The following TRIM7 variants were observed in gnomAD, a reference collection of about 807,000 sequenced individuals.
TRIM7 encodes E3 ubiquitin-protein ligase TRIM7.
Under a neutral mutation model 37.9 loss-of-function variants are expected in TRIM7, and 32 were observed. The ratio of observed to expected loss-of-function variants is 0.84; its 90% CI spans 0.64 to 1.13. The LOEUF is 1.13. Ranked by LOEUF, TRIM7 falls within the 50% of genes most tolerant of loss-of-function variation. The probability of loss-of-function intolerance (pLI) is 0.00; values close to 1 mark genes in which losing one functional copy is unlikely to be tolerated. For missense variants in TRIM7, 732 were observed against 714.0 expected (o/e 1.03, Z -0.29); for synonymous variants, 351 against 321.3 (o/e 1.09, Z -0.99).
At chr5:181,204,497 C>T in intron 1 of TRIM7, 92 bp downstream of exon 1, 1 of 1,250,656 alleles carries the variant, frequency 8.0e-7, no homozygotes, top group East Asian at 3.2e-5. Flanking sequence ...GCCTCCTGAT[C>T]GACAGGCTGT....
At position 181,203,718 on chromosome 5, in the gene TRIM7, C is replaced by A. The variant is rs116124799; in HGVS notation, c.523-78G>T. 2.0e-5 allele frequency: 31 copies of A among 1,531,796 alleles called. No individual in the cohort carries two copies. In the African/African-American group the frequency reaches 4.0e-4, roughly 20 times the overall value. 94.9% of individuals were successfully genotyped at this position (1,531,796 alleles called of 1,614,324 possible). ...CCCACCTCTGCCTTCCTGGAGCCAG[C>A]CAGGAGAAAGGGAAGGCCCTGCTCA... On this transcript the variant is annotated intron_variant, in intron 1 of 6. Coordinates refer to ENST00000274773, the MANE Select transcript of TRIM7 (RefSeq NM_203293.3).
chr5:181,197,118 A>G (rs930384260), intron 6 of TRIM7: 2 of 143,956 alleles, frequency 1.4e-5, no homozygotes, highest in East Asian at 4.1e-4. Context: ...ACTGCACTCC[A>G]CCCTGGGCAA....
intron 3 of TRIM7, 80 bp downstream of exon 3, chr5:181,199,771 C>A: frequency 1.3e-6 from 2 of 1,491,938 alleles, no homozygotes; most frequent in South Asian, 1.4e-5. Context: ...CTAGACCCCC[C>A]AGGACTGACA....
rs1171209507 is a variant in TRIM7 at position 181,195,151 on chromosome 5, C to A, written c.*15G>T. The A allele has an allele frequency of 6.3e-7, 1 of 1,579,300 alleles. No homozygotes were observed. The highest frequency in any genetic ancestry group is 8.6e-7 in the Non-Finnish European group (1 of 1,159,986). On this transcript the variant is annotated 3_prime_UTR_variant, in exon 7 of 7. Transcript: ENST00000274773. ...CACCGGCAGCCCAGAGACAGGAGCT[C>A]CCCAGCAGTGCCCCTCAAGGCCAGA...
In TRIM7 at chr5:181,204,627, CGTGCTCGCG is replaced by C. The variant is rs756876285; in HGVS notation, c.475_483del (p.Arg159_His161del). The C allele has an allele frequency of 8.8e-6, 13 of 1,475,460 alleles. No homozygotes were observed. The highest frequency in any genetic ancestry group is 1.5e-5 in the African/African-American group (1 of 67,714). 91.4% of individuals were successfully genotyped at this position (1,475,460 alleles called of 1,614,324 possible). A position where few individuals can be genotyped will look rare whatever the true frequency, so the allele number is the denominator to read the frequency against. ...ACCGCCTCGTCCAGCGGCAGCACGG[CGTGCTCGCG>C]GTGCTCGCGGGCGCGGTCGCACACC... On this transcript the variant is annotated inframe_deletion, in exon 1 of 7. Coordinates refer to ENST00000274773, the MANE Select transcript of TRIM7 (RefSeq NM_203293.3).
At chr5:181,200,362 C>G (rs753012085) in intron 2 of TRIM7, 19 of 1,405,352 alleles carry the variant, frequency 1.4e-5, no homozygotes, top group Middle Eastern at 2.6e-4. Context: ...CATACTCCCC[C>G]CAGAACTACG....
Position 181,195,624 on chromosome 5 carries a change from C to G in TRIM7, c.1078G>C (p.Asp360His), listed in dbSNP as rs1339977184. ...TCGCCGAGGCGCACGCCCTTAAGAT[C>G]CAGAGAGAGGATGAGGCGCGGGTTG... is the stretch of plus-strand genomic sequence containing the variant. ...TANPRLILSL[D>H]LKGVRLGERA... Residue 360 changes from aspartate to histidine, a missense_variant, in exon 7 of 7, where the codon GAT (aspartate) becomes CAT (histidine). By Grantham distance (81) the Asp-to-His change is moderately conservative. Transcript: ENST00000274773. 6.4e-7 allele frequency: 1 copy of G among 1,558,104 alleles called. No individual in the cohort carries two copies.
At chr5:181,200,429 G>A (rs1757411181) in intron 2 of TRIM7, 1 of 1,292,828 alleles carries the variant, frequency 7.7e-7, no homozygotes, top group Non-Finnish European at 9.8e-7. Context: ...GCCTCCTGGG[G>A]CAACCATAGG....
rs1474886572 is a variant in TRIM7, at chr5:181,198,076, G to A, written c.1024+107C>T. The A allele has an allele frequency of 7.5e-6, 9 of 1,207,142 alleles. No individual in the cohort carries two copies. In the East Asian group the frequency reaches 2.2e-4, roughly 29 times the overall value. The allele number at this position is 1,207,142 out of a possible 1,614,324, so 74.8% of individuals were successfully genotyped here. On this transcript the variant is annotated intron_variant, in intron 6 of 6. Coordinates refer to ENST00000274773, the MANE Select transcript of TRIM7 (RefSeq NM_203293.3). ...GAGGAACAGGGTTGCTGAGGTGGGT[G>A]GGCTGAAGGAACCGACCATATGCAA...
chr5:181,198,792 G>A lies in TRIM7; in HGVS notation c.886C>T (p.Pro296Ser), dbSNP rs760482731. 51 of 1,612,976 alleles carry A rather than the reference G, an allele frequency of 3.2e-5. 1 individual carries two copies. In the South Asian group the frequency reaches 5.5e-4, roughly 17 times the overall value. ...GAGACTGTGGTTGGCTTGGGGCCAG[G>A]CACATTGCTACACCTGCAGGACAAG... ...KSTLSRCSNV[P>S]GPKPTTVSSE... The change falls in exon 5 of 7, where the codon CCT becomes TCT. Residue 296 changes from proline (P) to serine (S), a missense_variant. By Grantham distance (74) the Pro-to-Ser change is moderately conservative. Coordinates refer to ENST00000274773, the MANE Select transcript of TRIM7 (RefSeq NM_203293.3).
intron 6 of TRIM7, chr5:181,197,952 A>C: frequency 1.7e-6 from 1 of 575,660 alleles, no homozygotes; most frequent in Non-Finnish European, 3.1e-6. Flanking sequence ...CTCGAGGTAC[A>C]GGGCATTCCT....
rs1303995194 is a variant in TRIM7, at chr5:181,199,651, T to A, written c.849+200A>T. The stretch of plus-strand genomic sequence containing the variant: ...TTGTGATTCTGAAATACGATATATA[T>A]TATTGTGGCTCATAGTCAAGAAAGT... On this transcript the variant is annotated intron_variant, in intron 3 of 6. Coordinates refer to ENST00000274773, the MANE Select transcript of TRIM7 (RefSeq NM_203293.3). The A allele has an allele frequency of 7.8e-6, 6 of 767,592 alleles. No homozygotes were observed. In the East Asian group the frequency reaches 1.6e-4, roughly 21 times the overall value. The allele number at this position is 767,592 out of a possible 1,614,324, so 47.5% of individuals were successfully genotyped here. A position where few individuals can be genotyped will look rare whatever the true frequency, so the allele number is the denominator to read the frequency against.
intron 2 of TRIM7, chr5:181,202,379 A>C (rs899891389): frequency 2.6e-5 from 4 of 151,446 alleles, no homozygotes; most frequent in Non-Finnish European, 4.4e-5. Context: ...GGGTTGCTCC[A>C]TGTTGGTCAG....
rs775384879 is a variant in TRIM7 at position 181,203,530 on chromosome 5, G to A, written c.618+15C>T. 49 of 1,613,896 alleles carry A rather than the reference G, an allele frequency of 3.0e-5. No homozygotes were observed. Among genetic ancestry groups the A allele is most frequent in the Non-Finnish European group, 4.2e-5 (49 of 1,179,962 alleles). ...CTGTAATGTCCCACGGGGGGCCTGC[G>A]GGTGCCTGGCTCACCAGCAGCTCCT... On this transcript the variant is annotated intron_variant, in intron 2 of 6. Coordinates refer to ENST00000274773, the MANE Select transcript of TRIM7 (RefSeq NM_203293.3).
At position 181,205,102 on chromosome 5, in the gene TRIM7, A is replaced by C; in HGVS notation, c.9T>G (p.Ala3=). 1 of 1,329,628 alleles carries C rather than the reference A, an allele frequency of 7.5e-7. No homozygotes were observed. The highest frequency in any genetic ancestry group is 1.9e-5 in the South Asian group (1 of 52,562). 82.4% of individuals were successfully genotyped at this position (1,329,628 alleles called of 1,614,324 possible). A position where few individuals can be genotyped will look rare whatever the true frequency, so the allele number is the denominator to read the frequency against. The change falls in exon 1 of 7, where the codon GCT becomes GCG. Residue 3 remains alanine (A), a synonymous_variant. Transcript: ENST00000274773. MA[A]VGPRTGPGTG... is the part of the protein sequence containing the mutation. Reference sequence around the variant, plus strand: ...TTCCGGGGCCGGTCCGCGGTCCCACAGCCGCCATGCGCGCTCTCCGCGCAC... The same window carrying C: ...TTCCGGGGCCGGTCCGCGGTCCCACCGCCGCCATGCGCGCTCTCCGCGCAC...
rs1756996243 is a variant in TRIM7, at chr5:181,194,849, G to C, written c.*317C>G. The C allele has an allele frequency of 3.4e-6, 1 of 293,496 alleles. No homozygotes were observed. The highest frequency in any genetic ancestry group is 6.3e-6 in the Non-Finnish European group (1 of 158,722). 18.2% of individuals were successfully genotyped at this position (293,496 alleles called of 1,614,324 possible). A position where few individuals can be genotyped will look rare whatever the true frequency, so the allele number is the denominator to read the frequency against. On this transcript the variant is annotated 3_prime_UTR_variant, in exon 7 of 7. Transcript: ENST00000274773. ...GCTTTGACATTGTTTTAGGGAGCCAGGCACCCTTCCCAGTCAGGGCAGAAG... is the reference window on the plus strand; with the variant it reads ...GCTTTGACATTGTTTTAGGGAGCCACGCACCCTTCCCAGTCAGGGCAGAAG...
rs141530115 is a variant in TRIM7, at chr5:181,200,002, C to T, written c.698G>A (p.Arg233Gln). Residue 233 changes from arginine (R) to glutamine (Q), a missense_variant, in exon 3 of 7, where the codon CGG (arginine) becomes CAG (glutamine). Physicochemically the swap from Arg to Gln is conservative, Grantham distance 43. Transcript: ENST00000274773. The stretch of plus-strand genomic sequence containing the variant: ...CAGTTCCTCCAGGCGGCCTAGCAGC[C>T]GACCCTCCTGCTCCACCAGGAAAGC... ...LRAFLVEQEG[R>Q]LLGRLEELSR... 182 of 1,614,146 alleles carry T rather than the reference C, an allele frequency of 1.1e-4. No homozygotes were observed. Among genetic ancestry groups the T allele is most frequent in the Middle Eastern group, 1.6e-4 (1 of 6,084 alleles).
Position 181,195,535 on chromosome 5 carries a change from G to C in TRIM7, c.1167C>G (p.Ser389=). 2 of 1,612,500 alleles carry C rather than the reference G, an allele frequency of 1.2e-6. No individual in the cohort carries two copies. Among genetic ancestry groups the C allele is most frequent in the Non-Finnish European group, 1.7e-6 (2 of 1,179,258 alleles). ...GATGCCGGCCCGAGGAGAAGCCGCA[G>C]GACGCCAGGACGCGGGTGTTGGTGT... The part of the protein sequence containing the change: ...RFDTNTRVLA[S]CGFSSGRHHW... Residue 389 remains serine (S), a synonymous_variant, in exon 7 of 7, where the codon TCC becomes TCG. Transcript: ENST00000274773.
Position 181,198,344 on chromosome 5 carries a change from G to C in TRIM7, c.989-126C>G, listed in dbSNP as rs1047357946. ...GAGACTCCTAAGGCCAAGAGTGAAC[G>C]TGCAGGCACAGGGCCAAGCATGGGG... On this transcript the variant is annotated intron_variant, in intron 5 of 6. Coordinates refer to ENST00000274773, the MANE Select transcript of TRIM7 (RefSeq NM_203293.3). The C allele has an allele frequency of 5.8e-6, 6 of 1,027,838 alleles. No homozygotes were observed. In the Admixed American group the frequency reaches 7.9e-5, roughly 13 times the overall value. 63.7% of individuals were successfully genotyped at this position (1,027,838 alleles called of 1,614,324 possible).
Sources: gnomAD v4.1 joint callset for allele counts on GRCh38, gnomAD v4.1.1 for gene constraint, MANE v1.5 for transcripts, NCBI Gene and HGNC (gene_info 2026-07-23, HGNC 2026-07-21) for gene names.